LDAH: variants seen among roughly 807,000 people sequenced by gnomAD.
The protein encoded by LDAH is lipid droplet-associated hydrolase.
A neutral mutation model predicts 29.6 loss-of-function variants in LDAH; 26 were observed. That is an observed-to-expected ratio of 0.88 (90% CI 0.64 to 1.22). LDAH has a LOEUF of 1.22. LDAH is among the 50% of genes most tolerant of loss of function. The pLI, the probability that LDAH is intolerant of heterozygous loss-of-function variation, is 0.00. For missense variants in LDAH, 344 were observed against 387.3 expected (o/e 0.89, Z 0.94); for synonymous variants, 117 against 133.0 (o/e 0.88, Z 0.83).
At chr2:20,780,639 T>C (rs1459481824) in intron 3 of LDAH, among the ~76,000 whole-genome samples, 1 of 152,192 alleles carries the variant, frequency 6.6e-6, no homozygotes, top group Non-Finnish European at 1.5e-5. Context: ...AATGAGAAGA[T>C]ACCTATAGAT....
At chr2:20,741,572 T>C (rs1181153479) in intron 4 of LDAH, among the ~76,000 whole-genome samples, 2 of 152,178 alleles carry the variant, frequency 1.3e-5, no homozygotes, top group Non-Finnish European at 2.9e-5. Context: ...AAAAACGTTA[T>C]TACTTCTGTC....
At chr2:20,805,898 A>ATACT (rs149905935) in intron 1 of LDAH, among the ~76,000 whole-genome samples, 23,922 of 151,682 alleles carry the variant, frequency 0.16, 4,674 homozygotes, top group African/African-American at 0.47. Flanking sequence ...TTCTATGTAA[A>ATACT]TATAATATTT....
At chr2:20,754,603 AATG>A (rs1348200604) in intron 4 of LDAH, among the ~76,000 whole-genome samples, 2 of 152,122 alleles carry the variant, frequency 1.3e-5, no homozygotes, top group African/African-American at 4.8e-5. Context: ...TAATATCACC[AATG>A]ATGAGCAGCT....
At chr2:20,771,708 A>G (rs1211269404) in intron 4 of LDAH, among the ~76,000 whole-genome samples, 2 of 152,232 alleles carry the variant, frequency 1.3e-5, no homozygotes, top group African/African-American at 4.8e-5. Flanking sequence ...TAATAATTTA[A>G]AAATCATACA....
At chr2:20,706,939 A>C (rs1359894315) in intron 5 of LDAH, among the ~76,000 whole-genome samples, 1 of 152,210 alleles carries the variant, frequency 6.6e-6, no homozygotes, top group Non-Finnish European at 1.5e-5. Context: ...TATTGTCTTC[A>C]TTTTATGATG....
intron 5 of LDAH, among the ~76,000 whole-genome samples, chr2:20,718,147 G>C (rs537900991): frequency 2.6e-5 from 4 of 152,114 alleles, no homozygotes; most frequent in Non-Finnish European, 5.9e-5. Flanking sequence ...TAAAACGACA[G>C]TATTAAGTCC....
chr2:20,716,315 T>G (rs1341004755), intron 5 of LDAH, among the ~76,000 whole-genome samples: 1 of 151,962 alleles, frequency 6.6e-6, no homozygotes, highest in East Asian at 1.9e-4. Context: ...TAGCAAAGAC[T>G]TGGAACCAAC....
chr2:20,734,142 A>C (rs1214937420), intron 5 of LDAH, among the ~76,000 whole-genome samples: 1 of 152,144 alleles, frequency 6.6e-6, no homozygotes, highest in Non-Finnish European at 1.5e-5. Flanking sequence ...TTTGCTTATA[A>C]ATGTTTGCAT....
At chr2:20,700,695 A>C (rs1246704609) in intron 6 of LDAH, among the ~76,000 whole-genome samples, 2 of 152,212 alleles carry the variant, frequency 1.3e-5, no homozygotes, top group Non-Finnish European at 2.9e-5. Context: ...AGAATTTCCT[A>C]GTTACAATGT....
At chr2:20,798,526 C>T (rs1671456664) in intron 2 of LDAH, among the ~76,000 whole-genome samples, 1 of 150,646 alleles carries the variant, frequency 6.6e-6, no homozygotes, top group South Asian at 2.1e-4. Context: ...AAAGGAAATG[C>T]ATGCGCAATT....
In LDAH at chr2:20,801,429, T is replaced by G. The variant is rs751337486; in HGVS notation, c.35A>C (p.His12Pro). Residue 12 changes from histidine to proline, a missense_variant, in exon 2 of 7, where the codon CAT becomes CCT. Coordinates refer to ENST00000237822, the MANE Select transcript of LDAH (RefSeq NM_021925.4). ...TCCACCACACAAAATGAATTCCTCATGCACAGGAATTTCTTCCTTGAGTTC... is the reference window on the plus strand; with the variant it reads ...TCCACCACACAAAATGAATTCCTCAGGCACAGGAATTTCTTCCTTGAGTTC... ...DSELKEEIPV[H>P]EEFILCGGAE... The G allele has an allele frequency of 6.2e-7, 1 of 1,614,090 alleles. No individual in the cohort carries two copies. The highest frequency in any genetic ancestry group is 8.5e-7 in the Non-Finnish European group (1 of 1,179,960).
chr2:20,788,792 T>G, intron 3 of LDAH: 1 of 237,816 alleles, frequency 4.2e-6, no homozygotes. Context: ...TTTGAAAGTG[T>G]CCTTCAACTC....
chr2:20,790,945 A>G (rs115556761), intron 2 of LDAH, among the ~76,000 whole-genome samples: 3,501 of 152,256 alleles, frequency 0.023, 137 homozygotes, highest in African/African-American at 0.079. Context: ...ATAGATCTGT[A>G]GGGGGGAAAT....
chr2:20,692,312 T>C (rs1009982347), intron 6 of LDAH, among the ~76,000 whole-genome samples: 1 of 152,212 alleles, frequency 6.6e-6, no homozygotes, highest in African/African-American at 2.4e-5. Context: ...GGAGTGAACA[T>C]GAACAAAGCT....
At chr2:20,706,912 G>A (rs995051552) in intron 5 of LDAH, among the ~76,000 whole-genome samples, 1 of 152,196 alleles carries the variant, frequency 6.6e-6, no homozygotes, top group Non-Finnish European at 1.5e-5. Flanking sequence ...CAGTTGATAA[G>A]TGCATTAATT....
intron 4 of LDAH, among the ~76,000 whole-genome samples, chr2:20,763,860 C>T (rs951239104): frequency 2.6e-5 from 4 of 152,144 alleles, no homozygotes; most frequent in African/African-American, 9.7e-5. Flanking sequence ...TATTAACATG[C>T]ATGAAGAATG....
intron 4 of LDAH, among the ~76,000 whole-genome samples, chr2:20,768,998 C>T (rs1216158965): frequency 1.3e-5 from 2 of 152,160 alleles, no homozygotes; most frequent in South Asian, 2.1e-4. Flanking sequence ...TGAGCCCATG[C>T]TCCCTAGCCC....
chr2:20,710,629 T>TATAG (rs765926062), intron 5 of LDAH, among the ~76,000 whole-genome samples: 3,934 of 134,148 alleles, frequency 0.029, 93 homozygotes, highest in East Asian at 0.11. Flanking sequence ...TAGATATATA[T>TATAG]ATATAGATAT....
chr2:20,689,145 A>G (rs1046863364), intron 6 of LDAH, among the ~76,000 whole-genome samples: 1 of 152,026 alleles, frequency 6.6e-6, no homozygotes, highest in Non-Finnish European at 1.5e-5. Flanking sequence ...AGCTTCATCC[A>G]TGTCCCTGCA....
Sources: allele counts gnomAD v4.1 joint callset (sites outside exome capture counted in the v4.1 genomes callset), GRCh38; gene constraint gnomAD v4.1.1; transcripts MANE v1.5; gene names NCBI Gene and HGNC (gene_info 2026-07-23, HGNC 2026-07-21).